MRPS28: variants seen among roughly 807,000 people sequenced by gnomAD.
The protein encoded by MRPS28 is mitochondrial ribosomal protein S28.
In MRPS28, 7 loss-of-function variants were observed where a neutral mutation model predicts 10.8. The observed-to-expected ratio is 0.65, with a 90% CI of 0.37 to 1.22. The LOEUF (loss-of-function observed/expected upper bound fraction) is 1.22. MRPS28 is among the 50% of genes most tolerant of loss of function. The pLI is 0.02. For missense variants in MRPS28, 265 were observed against 232.9 expected (o/e 1.14, Z -0.90); for synonymous variants, 121 against 93.3 (o/e 1.30, Z -1.71).
chr8:79,958,448 G>T (rs192532636), intron 2 of MRPS28: 14 of 652,060 alleles, frequency 2.1e-5, no homozygotes, highest in Admixed American at 1.5e-4. Context: ...GAGTGAAGGA[G>T]AAAATGTTGA....
chr8:79,983,349 C>T (rs1042165135), intron 2 of MRPS28, among the ~76,000 whole-genome samples: 10 of 152,036 alleles, frequency 6.6e-5, no homozygotes, highest in African/African-American at 2.4e-4. Context: ...AAACTGGAAA[C>T]TCTAAAAAGC....
At chr8:79,974,304 GC>G (rs929251684) in intron 2 of MRPS28, among the ~76,000 whole-genome samples, 2 of 152,070 alleles carry the variant, frequency 1.3e-5, no homozygotes, top group African/African-American at 4.8e-5. Flanking sequence ...ACTTTGGGAG[GC>G]CGAGGTGGAT....
At chr8:79,971,187 T>C (rs1807623510) in intron 2 of MRPS28, among the ~76,000 whole-genome samples, 1 of 152,028 alleles carries the variant, frequency 6.6e-6, no homozygotes. Flanking sequence ...GATTTTAGAG[T>C]TGGGAAGGCT....
chr8:80,030,022 C>G lies in MRPS28; in HGVS notation c.213+14G>C, dbSNP rs781307304. 4.8e-5 allele frequency: 77 copies of G among 1,603,952 alleles called. No individual in the cohort carries two copies. The highest frequency in any genetic ancestry group is 2.0e-4 in the Admixed American group (12 of 59,632). ...GTAATTCCCGCGACTCCCTCTCACC[C>G]GCCCGGGCTCCACCTTCTGTAGGGG... On this transcript the variant is annotated intron_variant, in intron 1 of 2. Coordinates refer to ENST00000276585, the MANE Select transcript of MRPS28 (RefSeq NM_014018.3).
intron 2 of MRPS28, among the ~76,000 whole-genome samples, chr8:79,984,972 A>G (rs527810280): frequency 2.0e-5 from 3 of 152,082 alleles, no homozygotes; most frequent in African/African-American, 7.2e-5. Flanking sequence ...CAGAATATAC[A>G]TTTTTTTCAG....
intron 2 of MRPS28, among the ~76,000 whole-genome samples, chr8:79,986,169 C>A (rs1166975969): frequency 6.6e-6 from 1 of 152,124 alleles, no homozygotes; most frequent in Admixed American, 6.5e-5. Flanking sequence ...GAACCAAAGA[C>A]AAAAACCACT....
intron 2 of MRPS28, chr8:79,958,315 C>A (rs1437394166): frequency 5.9e-6 from 4 of 683,126 alleles, no homozygotes; most frequent in South Asian, 4.7e-5. Context: ...CAGGGTTCAT[C>A]CATGTTGTAT....
intron 2 of MRPS28, among the ~76,000 whole-genome samples, chr8:79,941,619 T>TA (rs1395554730): frequency 6.6e-6 from 1 of 152,170 alleles, no homozygotes; most frequent in Non-Finnish European, 1.5e-5. Context: ...TATAATGAAA[T>TA]AGAGTTCTTT....
chr8:80,017,423 A>G (rs538148989), intron 1 of MRPS28, among the ~76,000 whole-genome samples: 1 of 152,276 alleles, frequency 6.6e-6, no homozygotes, highest in East Asian at 1.9e-4. Flanking sequence ...GAAATGAAAG[A>G]GAGGACATCA....
intron 2 of MRPS28, among the ~76,000 whole-genome samples, chr8:79,933,656 C>A (rs1806528333): frequency 6.6e-6 from 1 of 152,072 alleles, no homozygotes; most frequent in South Asian, 2.1e-4. Flanking sequence ...GAAAGACAAC[C>A]ATGATGAAAT....
intron 2 of MRPS28, among the ~76,000 whole-genome samples, chr8:79,931,942 C>T (rs1806473009): frequency 6.6e-6 from 1 of 152,164 alleles, no homozygotes; most frequent in South Asian, 2.1e-4. Context: ...TGTCTCTAGG[C>T]CGTAGAGGGC....
intron 1 of MRPS28, among the ~76,000 whole-genome samples, chr8:80,006,515 G>C (rs909067942): frequency 1.2e-4 from 19 of 152,162 alleles, no homozygotes; most frequent in African/African-American, 4.6e-4. Flanking sequence ...AAAATTGATA[G>C]ACCGCTAGCA....
intron 2 of MRPS28, among the ~76,000 whole-genome samples, chr8:79,940,372 G>A (rs1424608027): frequency 1.3e-5 from 2 of 152,142 alleles, no homozygotes; most frequent in African/African-American, 2.4e-5. Context: ...ATGCATTTGC[G>A]AGTGAAGTGA....
At chr8:80,007,387 C>T (rs1172508662) in intron 1 of MRPS28, among the ~76,000 whole-genome samples, 3 of 152,226 alleles carry the variant, frequency 2.0e-5, no homozygotes, top group Admixed American at 6.5e-5. Flanking sequence ...TCTCTCACCA[C>T]TCTTATTCAA....
chr8:79,960,408 C>T (rs1045335988), intron 2 of MRPS28, among the ~76,000 whole-genome samples: 4 of 152,102 alleles, frequency 2.6e-5, no homozygotes, highest in Non-Finnish European at 5.9e-5. Context: ...ATGGTTAACC[C>T]TCTCTGCACC....
At position 79,974,277 on chromosome 8, in the gene MRPS28, A is replaced by T. The variant is rs191809715; in HGVS notation, c.395+28722T>A. Among the ~76,000 whole-genome samples the T allele has an allele frequency of 1.5e-3, 236 of 152,262 alleles. 2 individuals are homozygous for T. Among genetic ancestry groups the T allele is most frequent in the Non-Finnish European group, 3.5e-4 (24 of 68,018 alleles). ...ACAAACGAGGCCGGCGCGGTGGCTCACGCCTGTTATCCCAGAACTTTGGGA... is the reference window on the plus strand; with the variant it reads ...ACAAACGAGGCCGGCGCGGTGGCTCTCGCCTGTTATCCCAGAACTTTGGGA... On this transcript the variant is annotated intron_variant, in intron 2 of 2. Transcript: ENST00000276585.
chr8:79,941,001 A>G (rs191172052), intron 2 of MRPS28, among the ~76,000 whole-genome samples: 19 of 152,350 alleles, frequency 1.2e-4, no homozygotes, highest in Admixed American at 1.0e-3. Context: ...TCACCAATAG[A>G]CAAACTAGTG....
chr8:79,966,849 C>T (rs113935369), intron 2 of MRPS28, among the ~76,000 whole-genome samples: 133 of 152,212 alleles, frequency 8.7e-4, no homozygotes, highest in African/African-American at 2.8e-3. Flanking sequence ...TGTTCTATCT[C>T]ACTTTATACT....
rs555925313 is a variant in MRPS28 at position 79,956,293 on chromosome 8, T to C, written c.396-37145A>G. ...GTATTTAAAATATTTTATATCAAAA[T>C]TATACGTGGCATTATAAAATGTTTC... On this transcript the variant is annotated intron_variant, in intron 2 of 2. Coordinates refer to ENST00000276585, the MANE Select transcript of MRPS28 (RefSeq NM_014018.3). 4.6e-5 allele frequency among the ~76,000 whole-genome samples: 7 copies of C among 152,192 alleles called. No individual in the cohort carries two copies. In the South Asian group the frequency reaches 1.5e-3, roughly 32 times the overall value.
Sources: gnomAD v4.1 joint callset for allele counts (sites outside exome capture counted in the v4.1 genomes callset) on GRCh38, gnomAD v4.1.1 for gene constraint, MANE v1.5 for transcripts, NCBI Gene and HGNC (gene_info 2026-07-23, HGNC 2026-07-21) for gene names.